Variants in TMEM184C observed in about 807,000 individuals in gnomAD.
TMEM184C encodes the protein transmembrane protein 34.
TMEM184C carries 25 observed loss-of-function variants against 54.5 expected under a neutral mutation model. The observed-to-expected ratio is 0.46, with a 90% confidence interval of 0.33 to 0.64. The LOEUF (loss-of-function observed/expected upper bound fraction) is 0.64, where lower values mean the gene tolerates loss of function less well. TMEM184C is among the 30% of genes least tolerant of loss of function. TMEM184C has a pLI of 0.02. For synonymous variants in TMEM184C, 148 were observed against 181.5 expected, an observed-to-expected ratio of 0.82 and a Z score of 1.49; for missense variants, 335 against 520.3, an observed-to-expected ratio of 0.64 and a Z score of 3.46.
At chr4:147,627,554 G>A (rs1031285011) in intron 4 of TMEM184C, among the ~76,000 whole-genome samples, 2 of 152,212 alleles carry the variant, frequency 1.3e-5, no homozygotes, top group Admixed American at 1.3e-4. Context: ...ACAGGCGTGA[G>A]GATGGCTTGA....
At chr4:147,633,114 AC>A in intron 8 of TMEM184C, 112 bp downstream of exon 8, 1 of 810,194 alleles carries the variant, frequency 1.2e-6, no homozygotes, top group South Asian at 2.2e-5. Context: ...TCCTCACTTT[AC>A]AGGTGAGAAA....
At chr4:147,630,124 T>C (rs1176974697) in intron 6 of TMEM184C, among the ~76,000 whole-genome samples, 1 of 152,016 alleles carries the variant, frequency 6.6e-6, no homozygotes, top group African/African-American at 2.4e-5. Flanking sequence ...AATTCTCTGT[T>C]ATCATATATT....
intron 4 of TMEM184C, among the ~76,000 whole-genome samples, chr4:147,625,996 G>A (rs1732808605): frequency 6.6e-6 from 1 of 152,056 alleles, no homozygotes; most frequent in South Asian, 2.1e-4. Flanking sequence ...GAAATCATAG[G>A]GAGTCAAAGC....
At chr4:147,633,335 G>T (rs763658511) in intron 8 of TMEM184C, among the ~76,000 whole-genome samples, 1 of 151,340 alleles carries the variant, frequency 6.6e-6, no homozygotes, top group African/African-American at 2.4e-5. Context: ...AGTGACTCAC[G>T]CCTGTAATCC....
chr4:147,620,070 G>GTTTC (rs1461864552), intron 1 of TMEM184C, among the ~76,000 whole-genome samples: 3 of 152,076 alleles, frequency 2.0e-5, no homozygotes, highest in African/African-American at 7.2e-5. Context: ...TTTGCACGAT[G>GTTTC]TTTCCCCTTC....
chr4:147,634,514 C>T lies in TMEM184C; in HGVS notation c.*80C>T, dbSNP rs1732977505. ...CCATGGATTTTGTGCTTGGGACAGA[C>T]CATAAATGATGGAAAATGTCAACAC... On this transcript the variant is annotated 3_prime_UTR_variant, in exon 10 of 10. Coordinates refer to ENST00000296582, the MANE Select transcript of TMEM184C (RefSeq NM_018241.3). 6.8e-7 allele frequency: 1 copy of T among 1,461,686 alleles called. No homozygotes were observed. 90.5% of individuals were successfully genotyped at this position (1,461,686 alleles called of 1,614,324 possible). A position where few individuals can be genotyped will look rare whatever the true frequency, so the allele number is the denominator to read the frequency against.
Position 147,617,974 on chromosome 4 carries a change from C to T in TMEM184C, c.18C>T (p.Thr6=). 2 of 1,614,152 alleles carry T rather than the reference C, an allele frequency of 1.2e-6. No individual in the cohort carries two copies. Among genetic ancestry groups the T allele is most frequent in the Non-Finnish European group, 1.7e-6 (2 of 1,180,014 alleles). The change falls in exon 1 of 10, where the codon ACC becomes ACT. Residue 6 remains threonine (T), a synonymous_variant. Coordinates refer to ENST00000296582, the MANE Select transcript of TMEM184C (RefSeq NM_018241.3). ...GCGAAAACATGCCTTGCACTTGTACCTGGAGGAACTGGAGACAGTGGATTC... is the reference window on the plus strand; with the variant it reads ...GCGAAAACATGCCTTGCACTTGTACTTGGAGGAACTGGAGACAGTGGATTC... MPCTC[T]WRNWRQWIRP...
At chr4:147,633,088 G>A in intron 8 of TMEM184C, 86 bp downstream of exon 8, 2 of 1,130,114 alleles carry the variant, frequency 1.8e-6, no homozygotes, top group Non-Finnish European at 2.6e-6. Context: ...ACAACACACA[G>A]GGTATGGGGC....
intron 1 of TMEM184C, among the ~76,000 whole-genome samples, chr4:147,618,797 T>C (rs1030411357): frequency 2.0e-5 from 3 of 152,224 alleles, no homozygotes; most frequent in African/African-American, 7.2e-5. Context: ...GTATTTAATA[T>C]ACATTTGTGT....
intron 8 of TMEM184C, among the ~76,000 whole-genome samples, chr4:147,633,211 C>T (rs1732947472): frequency 6.6e-6 from 1 of 151,906 alleles, no homozygotes; most frequent in African/African-American, 2.4e-5. Flanking sequence ...TTCCTAAGTC[C>T]AATTCTCTTT....
chr4:147,630,290 C>A (rs1457749175), intron 6 of TMEM184C, among the ~76,000 whole-genome samples: 3 of 151,954 alleles, frequency 2.0e-5, no homozygotes, highest in Admixed American at 6.6e-5. Context: ...ATGCTGTCAG[C>A]AAAATAATTT....
chr4:147,634,458 CA>C lies in TMEM184C; in HGVS notation c.*26del. On this transcript the variant is annotated 3_prime_UTR_variant, in exon 10 of 10. Transcript: ENST00000296582. ...GAACAGTATGGAAAAGCAAACTGTG[CA>C]ACTACTACATTATATCATTACCTGG... 1 of 1,607,314 alleles carries C rather than the reference CA, an allele frequency of 6.2e-7. No individual in the cohort carries two copies. The highest frequency in any genetic ancestry group is 8.5e-7 in the Non-Finnish European group (1 of 1,176,360).
intron 3 of TMEM184C, 102 bp downstream of exon 3, chr4:147,624,200 C>T (rs1313375761): frequency 2.0e-6 from 2 of 986,512 alleles, no homozygotes; most frequent in African/African-American, 3.3e-5. Context: ...GACAAGGAGT[C>T]AGATTAATAA....
chr4:147,629,468 C>G, intron 5 of TMEM184C, 131 bp from the exon 6 acceptor site: 2 of 611,032 alleles, frequency 3.3e-6, no homozygotes, highest in East Asian at 3.4e-5. Flanking sequence ...TCTAAATTCT[C>G]TGTGTCCAAA....
intron 3 of TMEM184C, 97 bp downstream of exon 3, chr4:147,624,195 G>T (rs1732767495): frequency 2.9e-6 from 3 of 1,048,764 alleles, no homozygotes; most frequent in African/African-American, 1.6e-5. Flanking sequence ...TTATTGACAA[G>T]GAGTCAGATT....
intron 3 of TMEM184C, 22 bp downstream of exon 3, chr4:147,624,120 C>T: frequency 6.4e-7 from 1 of 1,570,424 alleles, no homozygotes. Flanking sequence ...TCATTTTTAT[C>T]TCATTAACTA....
rs1732978092 is a variant in TMEM184C, at chr4:147,634,531, T to G, written c.*97T>G. 4 of 1,398,882 alleles carry G rather than the reference T, an allele frequency of 2.9e-6. No homozygotes were observed. In the Admixed American group the frequency reaches 7.0e-5, roughly 25 times the overall value. The allele number at this position is 1,398,882 out of a possible 1,614,324, so 86.7% of individuals were successfully genotyped here. A position where few individuals can be genotyped will look rare whatever the true frequency, so the allele number is the denominator to read the frequency against. ...GGGACAGACCATAAATGATGGAAAA[T>G]GTCAACACAAAAATAGCTGAAAGCC... On this transcript the variant is annotated 3_prime_UTR_variant, in exon 10 of 10. Coordinates refer to ENST00000296582, the MANE Select transcript of TMEM184C (RefSeq NM_018241.3).
chr4:147,631,886 T>A (rs989437986), intron 7 of TMEM184C, among the ~76,000 whole-genome samples: 1 of 152,076 alleles, frequency 6.6e-6, no homozygotes. Flanking sequence ...CATAGTTCAA[T>A]ATAGTAAAGA....
intron 9 of TMEM184C, 53 bp from the exon 10 acceptor site, chr4:147,634,116 A>G: frequency 6.4e-7 from 1 of 1,563,184 alleles, no homozygotes; most frequent in South Asian, 1.2e-5. Flanking sequence ...TTAGAATGGT[A>G]AGTTTATAAT....
Sources: allele counts gnomAD v4.1 joint callset (sites outside exome capture counted in the v4.1 genomes callset), GRCh38; gene constraint gnomAD v4.1.1; transcripts MANE v1.5; gene names NCBI Gene and HGNC (gene_info 2026-07-23, HGNC 2026-07-21).